The following ABCB10 variants were observed in gnomAD, a reference collection of about 807,000 sequenced individuals.
The protein encoded by ABCB10 is ATP-binding cassette sub-family B member 10, mitochondrial.
A neutral mutation model predicts 65.4 loss-of-function variants in ABCB10; 54 were observed. The observed-to-expected ratio is 0.83, with a 90% confidence interval of 0.66 to 1.04. The LOEUF (loss-of-function observed/expected upper bound fraction) is 1.04. Among genes scored for constraint, ABCB10 ranks in the 50% least tolerant of loss-of-function variants. The pLI is 0.00. For synonymous variants in ABCB10, 418 were observed against 406.5 expected, an observed-to-expected ratio of 1.03 and a Z score of -0.34; for missense variants, 846 against 976.6, an observed-to-expected ratio of 0.87 and a Z score of 1.78.
In ABCB10 at chr1:229,558,388, G is replaced by A; in HGVS notation, c.265C>T (p.Leu89Phe). Reference protein sequence around the residue: ...ASRGVLGLARLLGLWARGPGS... With the variant: ...ASRGVLGLARFLGLWARGPGS... ...GGGCCGCGAGCCCACAGCCCCAGGAGCCGCGCGAGGCCCAGGACGCCCCGC... is the reference window on the plus strand; with the variant it reads ...GGGCCGCGAGCCCACAGCCCCAGGAACCGCGCGAGGCCCAGGACGCCCCGC... Residue 89 changes from leucine (L) to phenylalanine (F), a missense_variant, in exon 1 of 13, where the codon CTC becomes TTC. Leu to Phe is a conservative substitution (Grantham distance 22). Around this residue, in one of 2 missense-constraint regions of ABCB10, gnomAD observed 214 missense variants for 173.5 expected, o/e 1.23. Transcript: ENST00000344517. 1 of 1,236,540 alleles carries A rather than the reference G, an allele frequency of 8.1e-7. No homozygotes were observed. Among genetic ancestry groups the A allele is most frequent in the Non-Finnish European group, 1.0e-6 (1 of 983,016 alleles). The allele number at this position is 1,236,540 out of a possible 1,614,324, so 76.6% of individuals were successfully genotyped here. A position where few individuals can be genotyped will look rare whatever the true frequency, so the allele number is the denominator to read the frequency against.
At chr1:229,537,765 G>A (rs1216269195) in intron 6 of ABCB10, among the ~76,000 whole-genome samples, 1 of 152,192 alleles carries the variant, frequency 6.6e-6, no homozygotes, top group African/African-American at 2.4e-5. Flanking sequence ...ACTCCAGCTT[G>A]GGCGACAGAG....
Position 229,535,174 on chromosome 1 carries a change from G to A in ABCB10, c.1340-3443C>T, listed in dbSNP as rs1019005822. 2.7e-5 allele frequency: 4 copies of A among 150,440 alleles called. No individual in the cohort carries two copies. The East Asian group carries it at 5.9e-4, about 22-fold the overall frequency. 9.3% of individuals were successfully genotyped at this position (150,440 alleles called of 1,614,324 possible). A position where few individuals can be genotyped will look rare whatever the true frequency, so the allele number is the denominator to read the frequency against. On this transcript the variant is annotated intron_variant, in intron 6 of 12. Coordinates refer to ENST00000344517, the MANE Select transcript of ABCB10 (RefSeq NM_012089.3). The stretch of plus-strand genomic sequence containing the variant: ...GATAAACCTCACTGCCTATGATACT[G>A]CCACTGTGCTAAGCTAAACATATTC...
chr1:229,552,414 G>A (rs1330443175), intron 1 of ABCB10, among the ~76,000 whole-genome samples: 1 of 152,106 alleles, frequency 6.6e-6, no homozygotes, highest in East Asian at 1.9e-4. Context: ...CCCCACCCTT[G>A]CCTGATGCGG....
intron 10 of ABCB10, among the ~76,000 whole-genome samples, chr1:229,525,569 G>A (rs548565789): frequency 9.2e-5 from 14 of 152,256 alleles, no homozygotes; most frequent in African/African-American, 3.1e-4. Flanking sequence ...GGCTGGGCAC[G>A]GTGGCTCACG....
chr1:229,535,160 C>T (rs1000193658), intron 6 of ABCB10: 13 of 150,508 alleles, frequency 8.6e-5, no homozygotes, highest in Admixed American at 6.0e-4. Flanking sequence ...ATAAACCTCA[C>T]TGCCTATGAT....
At chr1:229,550,217 T>TA (rs1663074816) in intron 1 of ABCB10, among the ~76,000 whole-genome samples, 1 of 152,138 alleles carries the variant, frequency 6.6e-6, no homozygotes, top group South Asian at 2.1e-4. Flanking sequence ...GCAAACAAGA[T>TA]AGAGTCTTAT....
chr1:229,538,049 G>C (rs1237640076), intron 6 of ABCB10, among the ~76,000 whole-genome samples: 1 of 152,196 alleles, frequency 6.6e-6, no homozygotes, highest in African/African-American at 2.4e-5. Context: ...GACCAGAGTT[G>C]TGGGCTAGCC....
chr1:229,529,778 C>T (rs994140769), intron 8 of ABCB10, among the ~76,000 whole-genome samples: 8 of 152,114 alleles, frequency 5.3e-5, no homozygotes, highest in Non-Finnish European at 1.2e-4. Flanking sequence ...TCTCCAGGAG[C>T]TCCCTATCAC....
chr1:229,522,670 T>C (rs778178585), intron 10 of ABCB10, among the ~76,000 whole-genome samples: 1 of 152,198 alleles, frequency 6.6e-6, no homozygotes, highest in Non-Finnish European at 1.5e-5. Context: ...CTTAAAAGCA[T>C]GTAAAGATCT....
intron 7 of ABCB10, 141 bp from the exon 8 acceptor site, chr1:229,530,549 CA>C (rs1662559710): frequency 1.2e-6 from 1 of 827,598 alleles, no homozygotes; most frequent in African/African-American, 1.7e-5. Flanking sequence ...AAGGGCAAGT[CA>C]GAAGCAAACC....
At chr1:229,529,217 C>T (rs553893056) in intron 8 of ABCB10, among the ~76,000 whole-genome samples, 42 of 129,692 alleles carry the variant, frequency 3.2e-4, no homozygotes, top group Admixed American at 5.5e-4. Context: ...GGCGTGAACC[C>T]GGGAGGCGGA....
In ABCB10 at chr1:229,527,213, A is replaced by G. The variant is rs1215692390; in HGVS notation, c.1725+16T>C. The G allele has an allele frequency of 1.3e-6, 2 of 1,592,930 alleles. No individual in the cohort carries two copies. The highest frequency in any genetic ancestry group is 2.7e-5 in the African/African-American group (2 of 73,400). On this transcript the variant is annotated intron_variant, in intron 9 of 12. Transcript: ENST00000344517. ...TTAAAAGAAAGTGAAATAGAAATGG[A>G]AGCCTCTCTTCTTACCTGACTCACT...
chr1:229,537,798 T>TAAACAAAC (rs199948647), intron 6 of ABCB10, among the ~76,000 whole-genome samples: 3 of 150,938 alleles, frequency 2.0e-5, no homozygotes, highest in East Asian at 1.9e-4. Flanking sequence ...TCCAAATAAA[T>TAAACAAAC]AAACAAACAA....
At chr1:229,550,525 CAAAA>C (rs60323914) in intron 1 of ABCB10, among the ~76,000 whole-genome samples, 939 of 63,542 alleles carry the variant, frequency 0.015, 16 homozygotes, top group African/African-American at 0.066. Flanking sequence ...ATGCTGTCTC[CAAAA>C]AAAAAAAAAA....
At chr1:229,519,035 T>G in intron 11 of ABCB10, 160 bp from the exon 12 acceptor site, 1 of 551,980 alleles carries the variant, frequency 1.8e-6, no homozygotes, top group Non-Finnish European at 3.1e-6. Context: ...AATCACATAC[T>G]GTATGAGTTC....
At chr1:229,553,521 G>C (rs1333912660) in intron 1 of ABCB10, among the ~76,000 whole-genome samples, 1 of 152,092 alleles carries the variant, frequency 6.6e-6, no homozygotes, top group Non-Finnish European at 1.5e-5. Context: ...GTAGGCTGGG[G>C]ACAGAGGGAT....
In ABCB10 at chr1:229,518,350, TC is replaced by T. The variant is rs1219997770; in HGVS notation, c.2045del (p.Gly682GlufsTer5). 1 of 1,614,212 alleles carries T rather than the reference TC, an allele frequency of 6.2e-7. No homozygotes were observed. Among genetic ancestry groups the T allele is most frequent in the African/African-American group, 1.3e-5 (1 of 75,052 alleles). ...VQEALDRLMD[G>X]RTVLVIAHRL... ...GATGGGCAATAACTAACACCGTTCT[TC>T]CATCCATCAGTCGATCTAGAGCTTC... On this transcript the variant is annotated frameshift_variant, in exon 13 of 13. Coordinates refer to ENST00000344517, the MANE Select transcript of ABCB10 (RefSeq NM_012089.3). LOFTEE classifies it low-confidence loss of function (END_TRUNC).
chr1:229,519,452 T>C (rs532276206), intron 11 of ABCB10, among the ~76,000 whole-genome samples: 4 of 152,324 alleles, frequency 2.6e-5, no homozygotes, highest in African/African-American at 9.6e-5. Flanking sequence ...GTATCCTTTA[T>C]AGCACAGTTT....
Position 229,558,223 on chromosome 1 carries a change from T to G in ABCB10, c.430A>C (p.Lys144Gln). 7.3e-7 allele frequency: 1 copy of G among 1,378,080 alleles called. No individual in the cohort carries two copies. The allele number at this position is 1,378,080 out of a possible 1,614,324, so 85.4% of individuals were successfully genotyped here. A position where few individuals can be genotyped will look rare whatever the true frequency, so the allele number is the denominator to read the frequency against. The change falls in exon 1 of 13, where the codon AAG (lysine) becomes CAG (glutamine). Residue 144 changes from lysine (K) to glutamine (Q), a missense_variant. Transcript: ENST00000344517. ...GCCGCTGCGGGGCGCAGCCGCCCCT[T>G]GTCCCCGGGAGGCGCCGCCGGCCCG... ...RRGPAAPPGD[K>Q]GRLRPAAAGL...
Sources: allele counts gnomAD v4.1 joint callset (sites outside exome capture counted in the v4.1 genomes callset), GRCh38; gene constraint gnomAD v4.1.1; regional missense constraint gnomAD v4.1.1; transcripts MANE v1.5; gene names NCBI Gene and HGNC (gene_info 2026-07-23, HGNC 2026-07-21).